Variants in CNOT2 observed in about 807,000 individuals in gnomAD.
CNOT2 encodes CC chemokine receptor 4-negative regulator of transcription 2.
CNOT2 carries 7 observed loss-of-function variants against 72.1 expected under a neutral mutation model. That is an observed-to-expected ratio of 0.10 (90% CI 0.06 to 0.18). CNOT2 has a LOEUF of 0.18. CNOT2 is among the 10% of genes least tolerant of loss of function. CNOT2 has a pLI of 1.00. For missense variants in CNOT2, 345 were observed against 660.3 expected (o/e 0.52, Z 5.23); for synonymous variants, 196 against 225.6 (o/e 0.87, Z 1.17).
chr12:70,287,678 T>G (rs1420166199), intron 2 of CNOT2, among the ~76,000 whole-genome samples: 1 of 150,174 alleles, frequency 6.7e-6, no homozygotes. Context: ...TGTTTAGATC[T>G]AGATTCCAAT....
In CNOT2 at chr12:70,287,367, A is replaced by G. The variant is rs986661226; in HGVS notation, c.48+9093A>G. Among the ~76,000 whole-genome samples, 3 of 149,382 alleles carry G rather than the reference A, an allele frequency of 2.0e-5. 1 individual carries two copies. The East Asian group carries it at 6.1e-4, about 31-fold the overall frequency. On this transcript the variant is annotated intron_variant, in intron 2 of 15. Transcript: ENST00000229195. ...TAAAATTTAATTTTGTTTTCTATTC[A>G]TCAGTGTTCTTTAATGTTTTCCTTT... is the stretch of plus-strand genomic sequence containing the variant.
chr12:70,312,183 C>T (rs563881810), intron 3 of CNOT2, among the ~76,000 whole-genome samples: 8 of 151,624 alleles, frequency 5.3e-5, no homozygotes, highest in African/African-American at 1.5e-4. Flanking sequence ...TATCTTATTG[C>T]GCTTTTAGCT....
At chr12:70,330,211 A>C in intron 5 of CNOT2, 76 bp from the exon 6 acceptor site, 2 of 665,198 alleles carry the variant, frequency 3.0e-6, no homozygotes, top group South Asian at 4.9e-5. Context: ...CTAGGGTTGG[A>C]CCAATTGATT....
At chr12:70,304,473 A>G (rs1874818272) in intron 2 of CNOT2, among the ~76,000 whole-genome samples, 1 of 152,108 alleles carries the variant, frequency 6.6e-6, no homozygotes, top group African/African-American at 2.4e-5. Context: ...TCCACTCCAG[A>G]CCCTGTTTGC....
At chr12:70,292,621 C>G (rs1049512528) in intron 2 of CNOT2, among the ~76,000 whole-genome samples, 2 of 152,098 alleles carry the variant, frequency 1.3e-5, no homozygotes, top group African/African-American at 4.8e-5. Flanking sequence ...GGGGAGAATG[C>G]TAACAGGGGA....
chr12:70,330,971 A>G (rs557600147), intron 6 of CNOT2: 1 of 152,248 alleles, frequency 6.6e-6, no homozygotes, highest in South Asian at 2.1e-4. Context: ...AAACAAAAAA[A>G]CGGGTTTTTG....
Position 70,354,210 on chromosome 12 carries a change from A to G in CNOT2, c.*295A>G, listed in dbSNP as rs371789603. 8.4e-6 allele frequency: 3 copies of G among 355,882 alleles called. No homozygotes were observed. Among genetic ancestry groups the G allele is most frequent in the Non-Finnish European group, 1.5e-5 (3 of 206,276 alleles). 22.0% of individuals were successfully genotyped at this position (355,882 alleles called of 1,614,324 possible). A position where few individuals can be genotyped will look rare whatever the true frequency, so the allele number is the denominator to read the frequency against. ...GACTTGAGTCTGTAAAGACAAGCAAATACACTGACAGAAGTTTACCATAGT... is the reference window on the plus strand; with the variant it reads ...GACTTGAGTCTGTAAAGACAAGCAAGTACACTGACAGAAGTTTACCATAGT... On this transcript the variant is annotated 3_prime_UTR_variant, in exon 16 of 16. Transcript: ENST00000229195.
At chr12:70,314,881 GA>G (rs1232341843) in intron 3 of CNOT2, among the ~76,000 whole-genome samples, 2 of 151,850 alleles carry the variant, frequency 1.3e-5, no homozygotes, top group African/African-American at 4.8e-5. Context: ...GGGATATTTT[GA>G]GACAGAATTT....
chr12:70,329,646 GTAAT>G, intron 5 of CNOT2, 76 bp downstream of exon 5: 2 of 1,041,088 alleles, frequency 1.9e-6, no homozygotes, highest in South Asian at 1.3e-5. Context: ...TTTTAATAAG[GTAAT>G]TAATTACTTG....
At chr12:70,342,411 C>T (rs1483303631) in intron 13 of CNOT2, 104 bp downstream of exon 13, 6 of 1,299,052 alleles carry the variant, frequency 4.6e-6, no homozygotes, top group Non-Finnish European at 6.5e-6. Context: ...TAGTAATGGT[C>T]TCAGGGATAT....
At chr12:70,296,050 A>G (rs1486202623) in intron 2 of CNOT2, among the ~76,000 whole-genome samples, 1 of 152,162 alleles carries the variant, frequency 6.6e-6, no homozygotes, top group Non-Finnish European at 1.5e-5. Flanking sequence ...ATGGCTTTTC[A>G]GAATATTTTC....
intron 2 of CNOT2, among the ~76,000 whole-genome samples, chr12:70,298,587 G>T (rs988611290): frequency 1.3e-5 from 2 of 152,022 alleles, no homozygotes; most frequent in Non-Finnish European, 2.9e-5. Flanking sequence ...ATATTCCCTG[G>T]CACAATAATT....
chr12:70,281,032 T>G (rs763160224), intron 2 of CNOT2, among the ~76,000 whole-genome samples: 3 of 152,106 alleles, frequency 2.0e-5, no homozygotes. Context: ...AGCATGCACA[T>G]GCACAAATGT....
chr12:70,340,655 T>C (rs1881365538), intron 11 of CNOT2, among the ~76,000 whole-genome samples: 1 of 152,068 alleles, frequency 6.6e-6, no homozygotes, highest in South Asian at 2.1e-4. Flanking sequence ...TCCCAAAATA[T>C]ATACAGAATC....
chr12:70,316,211 C>T (rs1039173205), intron 3 of CNOT2, among the ~76,000 whole-genome samples: 1 of 152,074 alleles, frequency 6.6e-6, no homozygotes, highest in Non-Finnish European at 1.5e-5. Flanking sequence ...GTGCTGCATC[C>T]CCTACTGTAA....
chr12:70,277,431 G>T (rs985852448), intron 1 of CNOT2, among the ~76,000 whole-genome samples: 51 of 152,016 alleles, frequency 3.4e-4, no homozygotes, highest in African/African-American at 1.1e-3. Flanking sequence ...TTATATCTCT[G>T]CAGTTTAAGA....
intron 2 of CNOT2, among the ~76,000 whole-genome samples, chr12:70,305,669 A>G (rs1300503116): frequency 6.6e-6 from 1 of 152,308 alleles, no homozygotes; most frequent in South Asian, 2.1e-4. Context: ...AAGCTGAAAC[A>G]TAAGATTTGT....
chr12:70,334,783 G>C (rs1242583498), intron 7 of CNOT2: 1 of 152,056 alleles, frequency 6.6e-6, no homozygotes, highest in African/African-American at 2.4e-5. Flanking sequence ...AGCGCCTACT[G>C]TGTAATAGGT....
At chr12:70,290,556 TG>T (rs1480056622) in intron 2 of CNOT2, among the ~76,000 whole-genome samples, 4 of 152,208 alleles carry the variant, frequency 2.6e-5, no homozygotes, top group Non-Finnish European at 5.9e-5. Flanking sequence ...CTGCACGGCC[TG>T]ATATCCTGTG....
Sources: allele counts gnomAD v4.1 joint callset (sites outside exome capture counted in the v4.1 genomes callset), GRCh38; gene constraint gnomAD v4.1.1; transcripts MANE v1.5; gene names NCBI Gene and HGNC (gene_info 2026-07-23, HGNC 2026-07-21).